The following EP300 variants were observed in gnomAD, a reference collection of about 807,000 sequenced individuals.
The protein encoded by EP300 is EP300 lysine acetyltransferase, also known as histone acetyltransferase p300.
EP300 carries 31 observed loss-of-function variants against 264.0 expected under a neutral mutation model. The observed-to-expected ratio is 0.12, with a 90% confidence interval of 0.09 to 0.16. The LOEUF (loss-of-function observed/expected upper bound fraction) is 0.16. Ranked by LOEUF, EP300 falls within the 10% of genes least tolerant of loss-of-function variation. The pLI is 1.00. For missense variants in EP300, 2,766 were observed against 3,052.9 expected, an observed-to-expected ratio of 0.91 and a Z score of 2.21; for synonymous variants, 1,340 against 1,045.4, an observed-to-expected ratio of 1.28 and a Z score of -5.44.
intron 1 of EP300, among the ~76,000 whole-genome samples, chr22:41,106,492 A>C (rs2058758731): frequency 6.6e-6 from 1 of 152,132 alleles, no homozygotes; most frequent in African/African-American, 2.4e-5. Context: ...CAATTGCTGA[A>C]CTGGCTGAGC....
intron 5 of EP300, among the ~76,000 whole-genome samples, chr22:41,130,266 AAAAAG>A (rs2058910634): frequency 6.6e-6 from 1 of 151,754 alleles, no homozygotes; most frequent in African/African-American, 2.4e-5. Flanking sequence ...AAAAAAAAAA[AAAAAG>A]AAAGAAAAAA....
intron 27 of EP300, among the ~76,000 whole-genome samples, chr22:41,171,957 A>G (rs891915527): frequency 6.6e-6 from 1 of 152,204 alleles, no homozygotes; most frequent in Non-Finnish European, 1.5e-5. Context: ...TCATAAATAT[A>G]GGTTGTCTCA....
intron 1 of EP300, among the ~76,000 whole-genome samples, chr22:41,102,257 C>T (rs1424441885): frequency 2.0e-5 from 3 of 152,070 alleles, no homozygotes; most frequent in South Asian, 2.1e-4. Context: ...CTGGCATTCA[C>T]GGAGTCTGGT....
chr22:41,143,812 C>CA (rs1230459857), intron 10 of EP300, among the ~76,000 whole-genome samples: 2 of 152,208 alleles, frequency 1.3e-5, no homozygotes, highest in Non-Finnish European at 2.9e-5. Flanking sequence ...CTCCCGGCCT[C>CA]AAGTGATCCG....
Position 41,092,607 on chromosome 22 carries a change from A to T in EP300, c.-398A>T, listed in dbSNP as rs1336679708. On this transcript the variant is annotated 5_prime_UTR_variant, in exon 1 of 31. Transcript: ENST00000263253. ...TTGTGGCGATGAGAAGGAGGAGGACAGCGCCGAGGAGGAAGAGGTTGATGG... is the reference window on the plus strand; with the variant it reads ...TTGTGGCGATGAGAAGGAGGAGGACTGCGCCGAGGAGGAAGAGGTTGATGG... 1.6e-6 allele frequency: 1 copy of T among 614,236 alleles called. No homozygotes were observed. The highest frequency in any genetic ancestry group is 2.2e-5 in the South Asian group (1 of 44,642). 38.0% of individuals were successfully genotyped at this position (614,236 alleles called of 1,614,324 possible).
intron 1 of EP300, among the ~76,000 whole-genome samples, chr22:41,095,299 G>A (rs2058696282): frequency 7.1e-6 from 1 of 141,018 alleles, no homozygotes; most frequent in African/African-American, 2.7e-5. Flanking sequence ...GAGTGCAGTG[G>A]TGCGATCTCA....
chr22:41,135,924 T>A lies in EP300; in HGVS notation c.1622+18T>A. On this transcript the variant is annotated intron_variant, in intron 7 of 30. Transcript: ENST00000263253. Reference sequence around the variant, plus strand: ...TCTCAAAAGTAAGTCTTAACGTGATTTATACCCTGGGTCACATTACAAATA... The same window carrying A: ...TCTCAAAAGTAAGTCTTAACGTGATATATACCCTGGGTCACATTACAAATA... 2 of 1,560,338 alleles carry A rather than the reference T, an allele frequency of 1.3e-6. No homozygotes were observed. The highest frequency in any genetic ancestry group is 1.8e-6 in the Non-Finnish European group (2 of 1,130,960).
At chr22:41,158,028 C>T (rs1055430050) in intron 18 of EP300, among the ~76,000 whole-genome samples, 4 of 152,224 alleles carry the variant, frequency 2.6e-5, no homozygotes, top group East Asian at 1.9e-4. Flanking sequence ...CTTTCCTGTA[C>T]ATACCAATTC....
chr22:41,153,917 A>C (rs4820431), intron 16 of EP300, among the ~76,000 whole-genome samples: 99,537 of 151,788 alleles, frequency 0.66, 33,014 homozygotes, highest in East Asian at 0.83. Flanking sequence ...AATATACTCT[A>C]CCGATGATGA....
At chr22:41,156,175 G>A (rs971980584) in intron 17 of EP300, among the ~76,000 whole-genome samples, 3 of 151,944 alleles carry the variant, frequency 2.0e-5, no homozygotes, top group South Asian at 2.1e-4. Context: ...CACCATGCCC[G>A]GCTAATTTTG....
chr22:41,165,716 C>T (rs902193424), intron 22 of EP300, among the ~76,000 whole-genome samples: 8 of 152,070 alleles, frequency 5.3e-5, no homozygotes, highest in Non-Finnish European at 1.0e-4. Flanking sequence ...GCCACTGCAC[C>T]TGGCACATTT....
At chr22:41,168,979 C>A in intron 25 of EP300, 112 bp downstream of exon 25, 3 of 1,454,814 alleles carry the variant, frequency 2.1e-6, no homozygotes, top group Non-Finnish European at 2.9e-6. Context: ...TTTGGAAATG[C>A]AAAATCTCAA....
At chr22:41,110,211 T>C (rs1215239672) in intron 1 of EP300, among the ~76,000 whole-genome samples, 1 of 128,932 alleles carries the variant, frequency 7.8e-6, no homozygotes, top group African/African-American at 3.0e-5. Flanking sequence ...CACTGCAGCC[T>C]CAACCTCCTG....
rs956202462 is a variant in EP300, at chr22:41,168,347, C to T, written c.3875-102C>T. ...ATTTTTTAAAATTTCACCAAGTTAT[C>T]CTGTTTGTATTGAAAAAAGTACAAA... is the stretch of plus-strand genomic sequence containing the variant. On this transcript the variant is annotated intron_variant, in intron 23 of 30. Transcript: ENST00000263253. 9.3e-6 allele frequency: 13 copies of T among 1,396,646 alleles called. No homozygotes were observed. The Middle Eastern group carries it at 8.8e-4, about 94-fold the overall frequency. The allele number at this position is 1,396,646 out of a possible 1,614,324, so 86.5% of individuals were successfully genotyped here.
At chr22:41,169,296 C>T (rs542066474) in intron 25 of EP300, 53 of 599,070 alleles carry the variant, frequency 8.8e-5, no homozygotes, top group Admixed American at 3.5e-4. Context: ...CTGCTAGTTA[C>T]TACAAATAGA....
In EP300 at chr22:41,140,182, A is replaced by G; in HGVS notation, c.1803A>G (p.Lys601=). The G allele has an allele frequency of 6.2e-7, 1 of 1,614,188 alleles. No individual in the cohort carries two copies. Among genetic ancestry groups the G allele is most frequent in the Middle Eastern group, 1.6e-4 (1 of 6,062 alleles). The change falls in exon 9 of 31, where the codon AAA becomes AAG. Residue 601 remains lysine (K), a synonymous_variant. Coordinates refer to ENST00000263253, the MANE Select transcript of EP300 (RefSeq NM_001429.4). ...CTACGCCGGATCCTGCTGCTTTAAA[A>G]GACAGACGGATGGAAAACCTAGTTG... The part of the protein sequence containing the change: ...IFPTPDPAAL[K]DRRMENLVAY...
At chr22:41,111,760 G>C (rs933015790) in intron 1 of EP300, among the ~76,000 whole-genome samples, 2 of 151,198 alleles carry the variant, frequency 1.3e-5, no homozygotes, top group South Asian at 2.1e-4. Flanking sequence ...GGCTGGTCTC[G>C]AACACCCGAC....
At chr22:41,152,838 A>C (rs942768718) in intron 16 of EP300, among the ~76,000 whole-genome samples, 1 of 151,614 alleles carries the variant, frequency 6.6e-6, no homozygotes, top group African/African-American at 2.4e-5. Context: ...GCTCACTGCA[A>C]CCTCCACCTC....
chr22:41,167,118 C>T (rs1407791766), intron 23 of EP300, among the ~76,000 whole-genome samples: 2 of 152,226 alleles, frequency 1.3e-5, no homozygotes, highest in African/African-American at 4.8e-5. Context: ...CTGTCTTAGC[C>T]TCCAGTGTAG....
Sources: allele counts gnomAD v4.1 joint callset (sites outside exome capture counted in the v4.1 genomes callset), GRCh38; gene constraint gnomAD v4.1.1; transcripts MANE v1.5; gene names NCBI Gene and HGNC (gene_info 2026-07-23, HGNC 2026-07-21).